PLEKHO1: variants seen among roughly 807,000 people sequenced by gnomAD.
PLEKHO1 encodes the protein pleckstrin homology domain-containing family O member 1.
Under a neutral mutation model 41.4 loss-of-function variants are expected in PLEKHO1, and 22 were observed. That is an observed-to-expected ratio of 0.53 (90% CI 0.38 to 0.76). The LOEUF (loss-of-function observed/expected upper bound fraction) is 0.76. Among genes scored for constraint, PLEKHO1 ranks in the 30% least tolerant of loss-of-function variants. The pLI, the probability that PLEKHO1 is intolerant of heterozygous loss-of-function variation, is 0.00. For synonymous variants in PLEKHO1, 225 were observed against 210.8 expected (o/e 1.07, Z -0.58); for missense variants, 488 against 518.3 (o/e 0.94, Z 0.57).
Position 150,159,721 on chromosome 1 carries a change from G to A in PLEKHO1, c.*198G>A. On this transcript the variant is annotated 3_prime_UTR_variant, in exon 6 of 6. Transcript: ENST00000369124. ...CCCTCGTATGCCCCTCAGGTTTGAG[G>A]AAGTGACCCCGCAGCAGTAGCAGGA... is the stretch of plus-strand genomic sequence containing the variant. 2.0e-6 allele frequency: 1 copy of A among 501,894 alleles called. No homozygotes were observed. Among genetic ancestry groups the A allele is most frequent in the East Asian group, 3.0e-5 (1 of 33,534 alleles). The allele number at this position is 501,894 out of a possible 1,614,324, so 31.1% of individuals were successfully genotyped here.
intron 3 of PLEKHO1, 121 bp downstream of exon 3, chr1:150,156,327 C>A (rs1397802303): frequency 3.7e-6 from 3 of 800,372 alleles, no homozygotes; most frequent in Non-Finnish European, 6.0e-6. Context: ...GAATTGCTCT[C>A]CTGCTGGCTT....
Position 150,159,688 on chromosome 1 carries a change from C to T in PLEKHO1, c.*165C>T, listed in dbSNP as rs1265696821. On this transcript the variant is annotated 3_prime_UTR_variant, in exon 6 of 6. Transcript: ENST00000369124. ...CAACCCTTATTGCCCCACCTACTTT[C>T]CATATGCCCCTCGTATGCCCCTCAG... 1.8e-6 allele frequency: 1 copy of T among 553,506 alleles called. No homozygotes were observed. Among genetic ancestry groups the T allele is most frequent in the Non-Finnish European group, 3.2e-6 (1 of 308,306 alleles). The allele number at this position is 553,506 out of a possible 1,614,324, so 34.3% of individuals were successfully genotyped here. A position where few individuals can be genotyped will look rare whatever the true frequency, so the allele number is the denominator to read the frequency against.
rs1553821350 is a variant in PLEKHO1 at position 150,159,108 on chromosome 1, T to A, written c.815T>A (p.Leu272Gln). The A allele has an allele frequency of 6.2e-7, 1 of 1,611,036 alleles. No individual in the cohort carries two copies. The highest frequency in any genetic ancestry group is 8.5e-7 in the Non-Finnish European group (1 of 1,179,328). ...ACAGAGAAAGGCCGCTGCGCCTCCCTGGAGGAGATCCTATCTCAGCGGGAT... is the reference window on the plus strand; with the variant it reads ...ACAGAGAAAGGCCGCTGCGCCTCCCAGGAGGAGATCCTATCTCAGCGGGAT... ...TPTEKGRCAS[L>Q]EEILSQRDAA... Residue 272 changes from leucine to glutamine, a missense_variant, in exon 6 of 6, where the codon CTG becomes CAG. This residue lies in a region of PLEKHO1 where 337 missense variants were observed against 324.6 expected (regional missense o/e 1.04). Coordinates refer to ENST00000369124, the MANE Select transcript of PLEKHO1 (RefSeq NM_016274.6).
intron 3 of PLEKHO1, 104 bp downstream of exon 3, chr1:150,156,310 A>T (rs911485175): frequency 5.5e-6 from 5 of 908,038 alleles, no homozygotes; most frequent in Non-Finnish European, 8.5e-6. Context: ...CTTGGTTCAG[A>T]TTCCCTGAAT....
intron 2 of PLEKHO1, chr1:150,153,491 G>T (rs1000281247): frequency 4.6e-5 from 1 of 21,676 alleles, no homozygotes; most frequent in African/African-American, 7.9e-5. Flanking sequence ...CCCTGACCAA[G>T]ATTTTTTTTT....
At chr1:150,151,355 A>G (rs1256036671) in intron 2 of PLEKHO1, among the ~76,000 whole-genome samples, 1 of 151,948 alleles carries the variant, frequency 6.6e-6, no homozygotes, top group African/African-American at 2.4e-5. Flanking sequence ...GCTGCCTCCC[A>G]CCCTAACCTG....
intron 4 of PLEKHO1, 140 bp downstream of exon 4, chr1:150,157,155 C>A: frequency 1.4e-6 from 1 of 702,516 alleles, no homozygotes; most frequent in South Asian, 1.5e-5. Flanking sequence ...TTTTAAAAGC[C>A]CTGATCTCTT....
At chr1:150,157,083 G>C in intron 4 of PLEKHO1, 68 bp downstream of exon 4, 1 of 1,023,304 alleles carries the variant, frequency 9.8e-7, no homozygotes, top group South Asian at 1.3e-5. Context: ...ACCCACTGAA[G>C]GGGGAGGATT....
At position 150,150,228 on chromosome 1, in the gene PLEKHO1, CT is replaced by C; in HGVS notation, c.-29del. On this transcript the variant is annotated 5_prime_UTR_variant, in exon 1 of 6. Transcript: ENST00000369124. ...GCCCCGACGCGGGGCCGCCCCTCGG[CT>C]CGCCGCCCCGCGCCCGCGCCCGCTG... is the stretch of plus-strand genomic sequence containing the variant. The C allele has an allele frequency of 9.6e-7, 1 of 1,042,416 alleles. No homozygotes were observed. The highest frequency in any genetic ancestry group is 1.2e-6 in the Non-Finnish European group (1 of 863,746). 64.6% of individuals were successfully genotyped at this position (1,042,416 alleles called of 1,614,324 possible). A position where few individuals can be genotyped will look rare whatever the true frequency, so the allele number is the denominator to read the frequency against.
At chr1:150,156,867 C>T (rs1341925357) in intron 3 of PLEKHO1, 44 bp from the exon 4 acceptor site, 2 of 1,100,994 alleles carry the variant, frequency 1.8e-6, no homozygotes, top group African/African-American at 3.1e-5. Context: ...AGGTGAGGCA[C>T]CACCTCTAAA....
intron 2 of PLEKHO1, 132 bp from the exon 3 acceptor site, chr1:150,155,934 C>T (rs944058318): frequency 2.6e-5 from 20 of 767,510 alleles, no homozygotes; most frequent in South Asian, 8.7e-5. Flanking sequence ...TTTGGGCAGA[C>T]GGCCCTCTCC....
chr1:150,157,484 G>A lies in PLEKHO1; in HGVS notation c.523G>A (p.Val175Met). The change falls in exon 5 of 6, where the codon GTG (valine) becomes ATG (methionine). Residue 175 changes from valine to methionine, a missense_variant and splice_region_variant. Physicochemically the swap from Val to Met is conservative, Grantham distance 21. Coordinates refer to ENST00000369124, the MANE Select transcript of PLEKHO1 (RefSeq NM_016274.6). ...RPPTRGHLMA[V>M]ASTSTSDGML... Reference sequence around the variant, plus strand: ...CCCAACAAGGGGACACCTAATGGCTGTGGTATGTAAGACTGTAATAAACAT... The same window carrying A: ...CCCAACAAGGGGACACCTAATGGCTATGGTATGTAAGACTGTAATAAACAT... 6.2e-7 allele frequency: 1 copy of A among 1,606,112 alleles called. No homozygotes were observed. The highest frequency in any genetic ancestry group is 8.5e-7 in the Non-Finnish European group (1 of 1,172,744).
Position 150,157,377 on chromosome 1 carries a change from C to G in PLEKHO1, c.424-8C>G, listed in dbSNP as rs782594655. 1 of 1,605,012 alleles carries G rather than the reference C, an allele frequency of 6.2e-7. No homozygotes were observed. ...AGAGCACTCATGATTCACAGTACAT[C>G]TCTTCAGGTCACCGTTGAGGAGGAC... On this transcript the variant is annotated splice_polypyrimidine_tract_variant and splice_region_variant and intron_variant, in intron 4 of 5. Coordinates refer to ENST00000369124, the MANE Select transcript of PLEKHO1 (RefSeq NM_016274.6).
Position 150,150,963 on chromosome 1 carries a change from G to C in PLEKHO1, c.82G>C (p.Val28Leu). The C allele has an allele frequency of 6.2e-7, 1 of 1,614,114 alleles. No individual in the cohort carries two copies. The highest frequency in any genetic ancestry group is 1.7e-5 in the Admixed American group (1 of 60,034). ...TGCACCGCCCGAGAAGGTCGGCTGG[G>C]TCCGGAAATTCTGCGGGAAAGGGAT... ...QPAPPEKVGW[V>L]RKFCGKGIFR... Residue 28 changes from valine to leucine, a missense_variant, in exon 2 of 6, where the codon GTC becomes CTC. Coordinates refer to ENST00000369124, the MANE Select transcript of PLEKHO1 (RefSeq NM_016274.6).
In PLEKHO1 at chr1:150,159,636, TGC is replaced by T; in HGVS notation, c.*114_*115del. 5.5e-6 allele frequency: 4 copies of T among 723,068 alleles called. No individual in the cohort carries two copies. In the Admixed American group the frequency reaches 1.2e-4, roughly 21 times the overall value. 44.8% of individuals were successfully genotyped at this position (723,068 alleles called of 1,614,324 possible). ...AAAAAGAAAACAAAAATGAACTCAT[TGC>T]TCTTGCTGATGCCTGACCCCACTAC... On this transcript the variant is annotated 3_prime_UTR_variant, in exon 6 of 6. Transcript: ENST00000369124.
chr1:150,156,938 A>G lies in PLEKHO1; in HGVS notation c.346A>G (p.Ser116Gly). 6.2e-7 allele frequency: 1 copy of G among 1,613,528 alleles called. No homozygotes were observed. Among genetic ancestry groups the G allele is most frequent in the South Asian group, 1.1e-5 (1 of 91,064 alleles). Residue 116 changes from serine (S) to glycine (G), a missense_variant, in exon 4 of 6, where the codon AGT becomes GGT. Coordinates refer to ENST00000369124, the MANE Select transcript of PLEKHO1 (RefSeq NM_016274.6). ...ACCCAACCTGATCTTCCTGGCAGTGAGTCCAGAAGAGAAGGAATCGTGGAT... is the reference window on the plus strand; with the variant it reads ...ACCCAACCTGATCTTCCTGGCAGTGGGTCCAGAAGAGAAGGAATCGTGGAT... ...TAPNLIFLAV[S>G]PEEKESWINA...
At chr1:150,155,825 TAAG>T (rs1284341892) in intron 2 of PLEKHO1, 1 of 408,550 alleles carries the variant, frequency 2.4e-6, no homozygotes, top group Non-Finnish European at 4.4e-6. Context: ...GCAGCCTGGC[TAAG>T]GAGAGTGAAG....
In PLEKHO1 at chr1:150,158,786, A is replaced by G. The variant is rs782549582; in HGVS notation, c.526-33A>G. The G allele has an allele frequency of 6.1e-6, 8 of 1,307,838 alleles. No individual in the cohort carries two copies. In the Admixed American group the frequency reaches 1.4e-4, roughly 23 times the overall value. 81.0% of individuals were successfully genotyped at this position (1,307,838 alleles called of 1,614,324 possible). A position where few individuals can be genotyped will look rare whatever the true frequency, so the allele number is the denominator to read the frequency against. ...CATTCCGAAAATCCCTCCTGATGAC[A>G]GGTTCCCCACTCATTCCCCCCTTCC... On this transcript the variant is annotated intron_variant, in intron 5 of 5. Coordinates refer to ENST00000369124, the MANE Select transcript of PLEKHO1 (RefSeq NM_016274.6).
Position 150,159,288 on chromosome 1 carries a change from G to A in PLEKHO1, c.995G>A (p.Gly332Glu). 1.2e-6 allele frequency: 2 copies of A among 1,614,126 alleles called. No homozygotes were observed. The highest frequency in any genetic ancestry group is 1.7e-6 in the Non-Finnish European group (2 of 1,179,996). Residue 332 changes from glycine to glutamate, a missense_variant, in exon 6 of 6, where the codon GGG becomes GAG. Physicochemically the swap from Gly to Glu is moderately conservative, Grantham distance 98 (BLOSUM62 -2). Coordinates refer to ENST00000369124, the MANE Select transcript of PLEKHO1 (RefSeq NM_016274.6). ...GCAGAGGTTCAGGGACTGGGAGATG[G>A]GAAGCGAAAGGCCAAGGACCCCCCT... ...LLAEVQGLGDGKRKAKDPPRS... is the reference protein window; with the variant it reads ...LLAEVQGLGDEKRKAKDPPRS...
Sources: allele counts gnomAD v4.1 joint callset (sites outside exome capture counted in the v4.1 genomes callset), GRCh38; gene constraint gnomAD v4.1.1; regional missense constraint gnomAD v4.1.1; transcripts MANE v1.5; gene names NCBI Gene and HGNC (gene_info 2026-07-23, HGNC 2026-07-21).